Variants in FGGY observed in about 807,000 individuals in gnomAD.
The protein encoded by FGGY is FGGY carbohydrate kinase domain-containing protein.
Under a neutral mutation model 71.3 loss-of-function variants are expected in FGGY, and 72 were observed. The ratio of observed to expected loss-of-function variants is 1.01; its 90% CI spans 0.84 to 1.23. The LOEUF (loss-of-function observed/expected upper bound fraction) is 1.23. FGGY is among the 50% of genes most tolerant of loss of function. FGGY has a pLI of 0.00. For missense variants in FGGY, 668 were observed against 682.3 expected, an observed-to-expected ratio of 0.98 and a Z score of 0.23; for synonymous variants, 251 against 250.3, an observed-to-expected ratio of 1.00 and a Z score of -0.02.
At chr1:59,557,862 G>A (rs377466842) in intron 8 of FGGY, among the ~76,000 whole-genome samples, 15 of 152,258 alleles carry the variant, frequency 9.9e-5, no homozygotes, top group Middle Eastern at 3.4e-3. Context: ...TGGGGGGGTC[G>A]GGGTAGGGAG....
chr1:59,482,436 C>T (rs905193600), intron 6 of FGGY, among the ~76,000 whole-genome samples: 6 of 151,830 alleles, frequency 4.0e-5, no homozygotes, highest in African/African-American at 4.8e-5. Flanking sequence ...AAGTTTTTGC[C>T]GCAGCAAAAA....
chr1:59,469,360 C>A (rs2092821190), intron 6 of FGGY, among the ~76,000 whole-genome samples: 1 of 152,164 alleles, frequency 6.6e-6, no homozygotes, highest in African/African-American at 2.4e-5. Flanking sequence ...CTTGCTGCAT[C>A]ATCCCATGGC....
chr1:59,687,192 C>T (rs1406431112), intron 14 of FGGY, among the ~76,000 whole-genome samples: 1 of 152,184 alleles, frequency 6.6e-6, no homozygotes, highest in African/African-American at 2.4e-5. Flanking sequence ...GATGTGCAGG[C>T]AGAAGTCAGG....
In FGGY at chr1:59,395,333, A is replaced by G. The variant is rs185147178; in HGVS notation, c.554+16496A>G. On this transcript the variant is annotated intron_variant, in intron 5 of 15. Coordinates refer to ENST00000303721, the MANE Select transcript of FGGY (RefSeq NM_018291.5). ...TGCAATAGTTTGTTCCAGAAAAGTT[A>G]TATTTTTCCCTTGGTGTATATTCTA... Among the ~76,000 whole-genome samples the G allele has an allele frequency of 4.6e-5, 7 of 152,212 alleles. No homozygotes were observed. In the East Asian group the frequency reaches 1.2e-3, roughly 25 times the overall value.
intron 14 of FGGY, among the ~76,000 whole-genome samples, chr1:59,751,388 T>G (rs1486741948): frequency 1.3e-5 from 2 of 152,178 alleles, no homozygotes; most frequent in Admixed American, 6.5e-5. Flanking sequence ...CCCCATCAGT[T>G]AAAATAAATT....
In FGGY at chr1:59,670,761, T is replaced by C. The variant is rs187546276; in HGVS notation, c.1418-3278T>C. Among the ~76,000 whole-genome samples, 263 of 152,244 alleles carry C rather than the reference T, an allele frequency of 1.7e-3. 1 individual carries two copies. The highest frequency in any genetic ancestry group is 6.1e-3 in the African/African-American group (254 of 41,538). ...TTATTTTGAAAGTGAATCTTTGCCA[T>C]GTTGAGAACAGCCTGCTCTGTACAA... On this transcript the variant is annotated intron_variant, in intron 13 of 15. Coordinates refer to ENST00000303721, the MANE Select transcript of FGGY (RefSeq NM_018291.5).
intron 5 of FGGY, among the ~76,000 whole-genome samples, chr1:59,426,408 T>C (rs184392590): frequency 3.7e-4 from 56 of 152,124 alleles, no homozygotes; most frequent in Admixed American, 1.3e-3. Flanking sequence ...AGGAATTGAG[T>C]TGGGAAGAGT....
chr1:59,755,534 C>T (rs2098282481), intron 14 of FGGY: 1 of 152,180 alleles, frequency 6.6e-6, no homozygotes, highest in African/African-American at 2.4e-5. Flanking sequence ...AAAAAAATCT[C>T]AGTAGAGCTG....
Position 59,392,983 on chromosome 1 carries a change from G to A in FGGY, c.554+14146G>A, listed in dbSNP as rs374003027. ...CCCAGATATTATTCTTTTCAAAAGC[G>A]GAGCACTCTTGCCAGGCTTTCTAAA... On this transcript the variant is annotated intron_variant, in intron 5 of 15. Transcript: ENST00000303721. 1.6e-3 allele frequency among the ~76,000 whole-genome samples: 241 copies of A among 152,232 alleles called. 1 individual carries two copies. The highest frequency in any genetic ancestry group is 5.4e-3 in the African/African-American group (225 of 41,532).
chr1:59,644,697 GCC>G (rs2153904057), intron 11 of FGGY, among the ~76,000 whole-genome samples: 1 of 151,964 alleles, frequency 6.6e-6, no homozygotes, highest in East Asian at 1.9e-4. Flanking sequence ...ATGAATATAG[GCC>G]GGGTGCGGTG....
chr1:59,644,082 C>T (rs1236179894), intron 11 of FGGY, among the ~76,000 whole-genome samples: 1 of 152,190 alleles, frequency 6.6e-6, no homozygotes, highest in East Asian at 1.9e-4. Context: ...GGCTTGTCCT[C>T]CCACTTTTAC....
In FGGY at chr1:59,721,337, G is replaced by GTTTTTTTTTTTTTTTTTTTTTTT. The variant is rs71046339; in HGVS notation, c.1513-36575_1513-36574insTTTTTTTTTTTTTTTTTTTTTTT. Among the ~76,000 whole-genome samples, 14 of 105,370 alleles carry GTTTTTTTTTTTTTTTTTTTTTTT rather than the reference G, an allele frequency of 1.3e-4. 2 individuals are homozygous for GTTTTTTTTTTTTTTTTTTTTTTT. The highest frequency in any genetic ancestry group is 6.4e-4 in the East Asian group (2 of 3,124). The allele number at this position is 105,370 out of a possible 152,430, so 69.1% of individuals were successfully genotyped here. A position where few individuals can be genotyped will look rare whatever the true frequency, so the allele number is the denominator to read the frequency against. ...AGAGAGTTTTTCTTTTCTTTCCTTT[G>GTTTTTTTTTTTTTTTTTTTTTTT]TTTTTTTTTTTTTTTTTTTGAGACG... On this transcript the variant is annotated intron_variant, in intron 14 of 15. Coordinates refer to ENST00000303721, the MANE Select transcript of FGGY (RefSeq NM_018291.5).
chr1:59,540,009 G>A (rs541335307), intron 7 of FGGY, among the ~76,000 whole-genome samples: 3 of 152,252 alleles, frequency 2.0e-5, no homozygotes, highest in South Asian at 2.1e-4. Flanking sequence ...AATAAGATAC[G>A]AAAAATTGTC....
At chr1:59,422,821 C>A (rs1190243663) in intron 5 of FGGY, among the ~76,000 whole-genome samples, 1 of 151,890 alleles carries the variant, frequency 6.6e-6, no homozygotes, top group East Asian at 1.9e-4. Context: ...GGAAAGGCAA[C>A]TGATATTTAT....
At chr1:59,648,798 T>G (rs1423327291) in intron 11 of FGGY, among the ~76,000 whole-genome samples, 12 of 152,058 alleles carry the variant, frequency 7.9e-5, no homozygotes, top group East Asian at 1.9e-4. Flanking sequence ...CATTGCTTTT[T>G]GTGTTTTAGA....
intron 10 of FGGY, among the ~76,000 whole-genome samples, chr1:59,636,044 T>C (rs1241549180): frequency 6.6e-6 from 1 of 152,212 alleles, no homozygotes; most frequent in Non-Finnish European, 1.5e-5. Context: ...GTGTTAACTG[T>C]AGTTGTTAAG....
At chr1:59,599,138 C>T (rs1323261837) in intron 8 of FGGY, among the ~76,000 whole-genome samples, 1 of 152,102 alleles carries the variant, frequency 6.6e-6, no homozygotes, top group African/African-American at 2.4e-5. Context: ...GAGTCTCACC[C>T]TGTCGCCCAG....
At chr1:59,592,318 C>T (rs972126258) in intron 8 of FGGY, among the ~76,000 whole-genome samples, 2 of 152,004 alleles carry the variant, frequency 1.3e-5, no homozygotes, top group African/African-American at 2.4e-5. Context: ...GAAATAGGAA[C>T]ACTTTTACAC....
chr1:59,672,739 A>G (rs770364080), intron 13 of FGGY, among the ~76,000 whole-genome samples: 42 of 152,338 alleles, frequency 2.8e-4, no homozygotes, highest in Non-Finnish European at 3.8e-4. Flanking sequence ...AGATAGGAAA[A>G]GAAATCTAGG....
Sources: allele counts gnomAD v4.1 joint callset (sites outside exome capture counted in the v4.1 genomes callset), GRCh38; gene constraint gnomAD v4.1.1; transcripts MANE v1.5; gene names NCBI Gene and HGNC (gene_info 2026-07-23, HGNC 2026-07-21).